The following ATP10B variants were observed in gnomAD, a reference collection of about 807,000 sequenced individuals.
The protein encoded by ATP10B is ATPase phospholipid transporting 10B (putative), also known as phospholipid-transporting ATPase VB.
ATP10B carries 122 observed loss-of-function variants against 141.2 expected under a neutral mutation model. The ratio of observed to expected loss-of-function variants is 0.86; its 90% confidence interval spans 0.75 to 1.00. ATP10B has a LOEUF of 1.00. Among genes scored for constraint, ATP10B ranks in the 50% least tolerant of loss-of-function variants. The probability of loss-of-function intolerance (pLI) is 0.00; values close to 1 mark genes in which losing one functional copy is unlikely to be tolerated. For missense variants in ATP10B, 1,876 were observed against 1,825.3 expected, an observed-to-expected ratio of 1.03 and a Z score of -0.51; for synonymous variants, 685 against 692.0, an observed-to-expected ratio of 0.99 and a Z score of 0.16.
intron 2 of ATP10B, among the ~76,000 whole-genome samples, chr5:160,726,717 C>T (rs917873491): frequency 5.4e-5 from 8 of 148,360 alleles, no homozygotes; most frequent in Admixed American, 1.3e-4. Flanking sequence ...GAGAAGGCTG[C>T]AAGTGTGAGC....
At chr5:160,574,721 G>A (rs1207725834) in intron 24 of ATP10B, among the ~76,000 whole-genome samples, 1 of 151,800 alleles carries the variant, frequency 6.6e-6, no homozygotes, top group East Asian at 1.9e-4. Context: ...AAGCATCCTA[G>A]TGCTTTTTTT....
chr5:160,854,164 A>G (rs1753940142), upstream of ATP10B, among the ~76,000 whole-genome samples: 1 of 152,116 alleles, frequency 6.6e-6, no homozygotes, highest in Non-Finnish European at 1.5e-5. Context: ...AAGCTGTGCA[A>G]GTGTTATTAG....
At chr5:160,818,276 C>G (rs144485160) in intron 1 of ATP10B, among the ~76,000 whole-genome samples, 191 of 152,308 alleles carry the variant, frequency 1.3e-3, no homozygotes, top group African/African-American at 4.4e-3. Context: ...TATGCAGAAT[C>G]TACAATGAAC....
intron 1 of ATP10B, among the ~76,000 whole-genome samples, chr5:160,812,020 C>CACAGAGAGAGAG (rs1211580744): frequency 0.017 from 1,875 of 111,472 alleles, 56 homozygotes; most frequent in East Asian, 0.04. Flanking sequence ...GAGACAGAGA[C>CACAGAGAGAGAG]AGAGAGAGAG....
At chr5:160,866,409 C>T in the ATP10B span, among the ~76,000 whole-genome samples, 23 of 152,202 alleles carry the variant, frequency 1.5e-4, no homozygotes, top group African/African-American at 5.3e-4. Context: ...TGTGGTGGCT[C>T]ATGCTTATCA....
rs139896959 is a variant in ATP10B, at chr5:160,697,438, C to T, written c.-204-8495G>A. Among the ~76,000 whole-genome samples the T allele has an allele frequency of 6.2e-3, 942 of 152,290 alleles. 12 individuals carry two copies. Among genetic ancestry groups the T allele is most frequent in the Middle Eastern group, 0.024 (7 of 294 alleles). Reference sequence around the variant, plus strand: ...CTACATATAGCTGCTTGTATGGAATCAGTTCTTATGAGCACAAAAAAGTGC... The same window carrying T: ...CTACATATAGCTGCTTGTATGGAATTAGTTCTTATGAGCACAAAAAAGTGC... On this transcript the variant is annotated intron_variant, in intron 3 of 25. Transcript: ENST00000327245.
chr5:160,675,670 G>A (rs1762982508), intron 6 of ATP10B, among the ~76,000 whole-genome samples: 1 of 152,206 alleles, frequency 6.6e-6, no homozygotes, highest in Non-Finnish European at 1.5e-5. Context: ...AATGCTCAGT[G>A]CCATGTCACT....
At chr5:160,584,395 G>C (rs1433047218) in intron 24 of ATP10B, among the ~76,000 whole-genome samples, 1 of 152,118 alleles carries the variant, frequency 6.6e-6, no homozygotes, top group Non-Finnish European at 1.5e-5. Flanking sequence ...AGATGAGCTG[G>C]GTACCTCAGT....
At chr5:160,670,703 T>A in intron 6 of ATP10B, 36 bp from the exon 7 acceptor site, 1 of 1,580,606 alleles carries the variant, frequency 6.3e-7, no homozygotes, top group Non-Finnish European at 8.7e-7. Flanking sequence ...GAGTGAGCTT[T>A]AAGTTTCCTC....
rs145343185 is a variant in ATP10B at position 160,662,975 on chromosome 5, G to T, written c.675+7488C>A. On this transcript the variant is annotated intron_variant, in intron 7 of 25. Transcript: ENST00000327245. ...GAAACAACCCCATCAACAAGTGAGC[G>T]AAGGATATGAACAGACACTTCTCAA... is the stretch of plus-strand genomic sequence containing the variant. Among the ~76,000 whole-genome samples, 990 of 152,256 alleles carry T rather than the reference G, an allele frequency of 6.5e-3. 9 individuals carry two copies. Among genetic ancestry groups the T allele is most frequent in the Non-Finnish European group, 0.011 (743 of 68,024 alleles).
chr5:160,706,462 GC>G (rs1765018515), intron 3 of ATP10B, among the ~76,000 whole-genome samples: 5 of 152,154 alleles, frequency 3.3e-5, no homozygotes, highest in Admixed American at 3.3e-4. Context: ...GCTTAAGGTT[GC>G]AAGAATAGTC....
intron 2 of ATP10B, among the ~76,000 whole-genome samples, chr5:160,755,838 A>AAAAAT (rs1768538195): frequency 2.2e-5 from 1 of 45,408 alleles, no homozygotes; most frequent in African/African-American, 7.4e-5. Flanking sequence ...AAAAAAAAAA[A>AAAAAT]ATATATATAT....
At chr5:160,653,022 ATATT>A (rs1353125319) in intron 7 of ATP10B, among the ~76,000 whole-genome samples, 17 of 103,634 alleles carry the variant, frequency 1.6e-4, no homozygotes, top group Non-Finnish European at 2.9e-4. Context: ...TTTATATTAT[ATATT>A]TATATATTTA....
intron 7 of ATP10B, among the ~76,000 whole-genome samples, chr5:160,654,392 A>G (rs1455422760): frequency 6.6e-6 from 1 of 151,990 alleles, no homozygotes; most frequent in Non-Finnish European, 1.5e-5. Flanking sequence ...CTTCTTCTTG[A>G]CCCAGCCTTT....
chr5:160,662,487 T>C (rs1762008996), intron 7 of ATP10B, among the ~76,000 whole-genome samples: 1 of 152,084 alleles, frequency 6.6e-6, no homozygotes. Context: ...TCAGAAATAA[T>C]GCCACATATC....
At chr5:160,768,234 C>T (rs545481901) in intron 2 of ATP10B, among the ~76,000 whole-genome samples, 38 of 152,228 alleles carry the variant, frequency 2.5e-4, no homozygotes, top group African/African-American at 9.1e-4. Flanking sequence ...CCTATTGCTT[C>T]TTTTAATCTT....
rs149348576 is a variant in ATP10B at position 160,807,905 on chromosome 5, C to G, written c.-575-22102G>C. ...GTTCCTACATATGGCTGACTTCTAC[C>G]TTTCTCAGTGAATATGACTCCTTTT... On this transcript the variant is annotated intron_variant, in intron 1 of 25. Transcript: ENST00000327245. Among the ~76,000 whole-genome samples, 1,063 of 152,286 alleles carry G rather than the reference C, an allele frequency of 7.0e-3. 18 individuals are homozygous for G. Among genetic ancestry groups the G allele is most frequent in the African/African-American group, 0.024 (1,002 of 41,556 alleles).
At chr5:160,677,643 A>C (rs1171658997) in intron 6 of ATP10B, among the ~76,000 whole-genome samples, 1 of 152,194 alleles carries the variant, frequency 6.6e-6, no homozygotes, top group Non-Finnish European at 1.5e-5. Flanking sequence ...CTGCCTATCA[A>C]GGCTACCGAA....
intron 2 of ATP10B, among the ~76,000 whole-genome samples, chr5:160,752,172 A>C (rs1291954250): frequency 7.9e-6 from 1 of 126,072 alleles, no homozygotes; most frequent in Admixed American, 8.4e-5. Context: ...AAGTCCCCCT[A>C]CTTTTTTTTT....
Sources: allele counts gnomAD v4.1 joint callset (sites outside exome capture counted in the v4.1 genomes callset), GRCh38; gene constraint gnomAD v4.1.1; transcripts MANE v1.5; gene names NCBI Gene and HGNC (gene_info 2026-07-23, HGNC 2026-07-21).